Variants in MLX observed in about 807,000 individuals in gnomAD.
MLX encodes MAX dimerization protein MLX, also known as max-like protein X.
In MLX, 15 loss-of-function variants were observed where a neutral mutation model predicts 33.0. That is an observed-to-expected ratio of 0.45 (90% CI 0.30 to 0.70). The LOEUF is 0.70. MLX is among the 30% of genes least tolerant of loss of function. The pLI is 0.07. For synonymous variants in MLX, 115 were observed against 115.6 expected (o/e 0.99, Z 0.03); for missense variants, 285 against 306.3 (o/e 0.93, Z 0.52).
At chr17:42,567,748 C>A in intron 2 of MLX, 93 bp downstream of exon 2, 1 of 1,536,296 alleles carries the variant, frequency 6.5e-7, no homozygotes, top group Non-Finnish European at 9.0e-7. Flanking sequence ...TGAGCACAGT[C>A]CACTCTCCCT....
At position 42,572,982 on chromosome 17, in the gene MLX, G is replaced by A; in HGVS notation, c.*1379G>A. ...CCGTGGGCCCCTCAGGGGTCTGGGA[G>A]TGTGACGTTGTAATCTTCATCCGTC... On this transcript the variant is annotated 3_prime_UTR_variant, in exon 8 of 8. Coordinates refer to ENST00000435881, the MANE Select transcript of MLX (RefSeq NM_198204.2). 6.2e-7 allele frequency: 1 copy of A among 1,614,242 alleles called. No individual in the cohort carries two copies. Among genetic ancestry groups the A allele is most frequent in the Non-Finnish European group, 8.5e-7 (1 of 1,180,042 alleles).
chr17:42,567,449 G>C, intron 1 of MLX, 170 bp from the exon 2 acceptor site: 1 of 1,393,100 alleles, frequency 7.2e-7, no homozygotes. Flanking sequence ...TGCCAGTCTC[G>C]GGGGACTCAT....
At chr17:42,568,691 C>A in intron 3 of MLX, 132 bp downstream of exon 3, 1 of 1,068,760 alleles carries the variant, frequency 9.4e-7, no homozygotes, top group East Asian at 2.4e-5. Context: ...AAGGTCTCAC[C>A]ATCTTTCACC....
chr17:42,569,476 A>T, intron 5 of MLX, 31 bp from the exon 6 acceptor site: 1 of 1,580,030 alleles, frequency 6.3e-7, no homozygotes, highest in Admixed American at 1.7e-5. Flanking sequence ...ATACTTCTGT[A>T]CCTGTCCTTT....
Position 42,569,497 on chromosome 17 carries a change from C to A in MLX, c.377-10C>A, listed in dbSNP as rs564620003. Reference sequence around the variant, plus strand: ...CTGTACCTGTCCTTTTTTTCTTGCCCCCACCCTAGCCATTGACTACATTCA... The same window carrying A: ...CTGTACCTGTCCTTTTTTTCTTGCCACCACCCTAGCCATTGACTACATTCA... On this transcript the variant is annotated splice_polypyrimidine_tract_variant and intron_variant, in intron 5 of 7. Coordinates refer to ENST00000435881, the MANE Select transcript of MLX (RefSeq NM_198204.2). 1 of 1,610,716 alleles carries A rather than the reference C, an allele frequency of 6.2e-7. No individual in the cohort carries two copies. Among genetic ancestry groups the A allele is most frequent in the Non-Finnish European group, 8.5e-7 (1 of 1,177,594 alleles).
chr17:42,568,820 C>T lies in MLX; in HGVS notation c.170-17C>T. The stretch of plus-strand genomic sequence containing the variant: ...GGCCCCAAGATGACCTTTCCCTGCC[C>T]CCATCTCTGAGCGTAGATGATGAGG... On this transcript the variant is annotated splice_polypyrimidine_tract_variant and intron_variant, in intron 3 of 7. Coordinates refer to ENST00000435881, the MANE Select transcript of MLX (RefSeq NM_198204.2). The T allele has an allele frequency of 6.3e-7, 1 of 1,582,336 alleles. No individual in the cohort carries two copies. Among genetic ancestry groups the T allele is most frequent in the Non-Finnish European group, 8.6e-7 (1 of 1,159,542 alleles).
Position 42,572,240 on chromosome 17 carries a change from TG to T in MLX, c.*639del, listed in dbSNP as rs1057419537. On this transcript the variant is annotated 3_prime_UTR_variant, in exon 8 of 8. Transcript: ENST00000435881. The stretch of plus-strand genomic sequence containing the variant: ...CATCACCTTCCTCCTCTGCTCTGGG[TG>T]GTAAGGGAAGCCCTCCCGGTTCCCA... 4 of 395,770 alleles carry T rather than the reference TG, an allele frequency of 1.0e-5. No individual in the cohort carries two copies. Among genetic ancestry groups the T allele is most frequent in the African/African-American group, 6.2e-5 (3 of 48,152 alleles). The allele number at this position is 395,770 out of a possible 1,614,324, so 24.5% of individuals were successfully genotyped here. A position where few individuals can be genotyped will look rare whatever the true frequency, so the allele number is the denominator to read the frequency against.
intron 1 of MLX, 168 bp from the exon 2 acceptor site, chr17:42,567,451 G>T: frequency 7.2e-7 from 1 of 1,394,794 alleles, no homozygotes; most frequent in South Asian, 1.4e-5. Flanking sequence ...CCAGTCTCGG[G>T]GGACTCATTA....
chr17:42,567,469 C>T, intron 1 of MLX, 150 bp from the exon 2 acceptor site: 10 of 1,427,864 alleles, frequency 7.0e-6, no homozygotes, highest in Non-Finnish European at 9.4e-6. Context: ...TTAAGCTGCC[C>T]GCGCACCCCG....
chr17:42,568,911 C>T lies in MLX; in HGVS notation c.244C>T (p.Gln82Ter). 6.2e-7 allele frequency: 1 copy of T among 1,610,782 alleles called. No individual in the cohort carries two copies. The highest frequency in any genetic ancestry group is 8.5e-7 in the Non-Finnish European group (1 of 1,178,384). ...AGACCGGCGGCGGCGCGCACACACT[C>T]AGGCTGAGCAGAAGAGGAGGGACGC... ...YKDRRRRAHT[Q>*]AEQKRRDAIK... The change falls in exon 4 of 8, where the codon CAG becomes TAG. Residue 82 changes from glutamine (Q) to a stop codon, truncating the protein, a stop_gained. Coordinates refer to ENST00000435881, the MANE Select transcript of MLX (RefSeq NM_198204.2). LOFTEE classifies it high-confidence loss of function.
intron 3 of MLX, 46 bp downstream of exon 3, chr17:42,568,605 A>T (rs1375121583): frequency 6.5e-7 from 1 of 1,539,568 alleles, no homozygotes. Flanking sequence ...CAGATATGTC[A>T]TAATTGTAGT....
In MLX at chr17:42,571,795, G is replaced by A; in HGVS notation, c.*192G>A. ...CGGTGTTTGTTTTGTGAAAGCTTCTGATTAATTTATTATATTGACGATAAA... is the reference window on the plus strand; with the variant it reads ...CGGTGTTTGTTTTGTGAAAGCTTCTAATTAATTTATTATATTGACGATAAA... On this transcript the variant is annotated 3_prime_UTR_variant, in exon 8 of 8. Coordinates refer to ENST00000435881, the MANE Select transcript of MLX (RefSeq NM_198204.2). 1.7e-6 allele frequency: 1 copy of A among 603,778 alleles called. No individual in the cohort carries two copies. 37.4% of individuals were successfully genotyped at this position (603,778 alleles called of 1,614,324 possible). A position where few individuals can be genotyped will look rare whatever the true frequency, so the allele number is the denominator to read the frequency against.
Position 42,568,540 on chromosome 17 carries a change from C to T in MLX, c.150C>T (p.Ala50=), listed in dbSNP as rs1455699018. The T allele has an allele frequency of 6.8e-6, 11 of 1,613,678 alleles. No individual in the cohort carries two copies. The highest frequency in any genetic ancestry group is 3.3e-5 in the Admixed American group (2 of 59,990). The change falls in exon 3 of 8, where the codon GCC becomes GCT. Residue 50 remains alanine (A), a synonymous_variant. Transcript: ENST00000435881. ...CTAATAGCATCGGTTCCACCAGTGC[C>T]TCTTCTGTCCCCAACACAGGTAGGC... The part of the protein sequence containing the change: ...SRANSIGSTS[A]SSVPNTDDED...
Position 42,568,972 on chromosome 17 carries a change from G to A in MLX, c.276+29G>A, listed in dbSNP as rs2093020326. On this transcript the variant is annotated intron_variant, in intron 4 of 7. Transcript: ENST00000435881. Reference sequence around the variant, plus strand: ...AACAGGGAGGCCTGTGCCTCAGCCAGTGCGGGAGGGCCCTGCATAGTTTAG... The same window carrying A: ...AACAGGGAGGCCTGTGCCTCAGCCAATGCGGGAGGGCCCTGCATAGTTTAG... 1.9e-6 allele frequency: 3 copies of A among 1,580,174 alleles called. No individual in the cohort carries two copies. In the African/African-American group the frequency reaches 4.1e-5, roughly 21 times the overall value.
At chr17:42,567,757 C>A in intron 2 of MLX, 102 bp downstream of exon 2, 1 of 1,493,216 alleles carries the variant, frequency 6.7e-7, no homozygotes, top group Non-Finnish European at 9.3e-7. Flanking sequence ...TCCACTCTCC[C>A]TGAGCAGAGT....
rs1345066087 is a variant in MLX, at chr17:42,567,564, C to T, written c.43-55C>T. 7.4e-6 allele frequency: 12 copies of T among 1,611,144 alleles called. No homozygotes were observed. In the Admixed American group the frequency reaches 8.3e-5, roughly 11 times the overall value. ...CTGTGCGTGCCTGCAGTGGAAGGGGCGCCTCCCCCTAGGGGCGGAGGTCTG... is the reference window on the plus strand; with the variant it reads ...CTGTGCGTGCCTGCAGTGGAAGGGGTGCCTCCCCCTAGGGGCGGAGGTCTG... On this transcript the variant is annotated intron_variant, in intron 1 of 7. Transcript: ENST00000435881.
chr17:42,571,452 T>G, intron 7 of MLX, 95 bp from the exon 8 acceptor site: 1 of 1,396,436 alleles, frequency 7.2e-7, no homozygotes, highest in Non-Finnish European at 1.0e-6. Context: ...TTAAAGCACT[T>G]TTCTAAAGTA....
Position 42,568,909 on chromosome 17 carries a change from C to T in MLX, c.242C>T (p.Thr81Ile). ...SYKDRRRRAH[T>I]QAEQKRRDAI... The stretch of plus-strand genomic sequence containing the variant: ...AAAGACCGGCGGCGGCGCGCACACA[C>T]TCAGGCTGAGCAGAAGAGGAGGGAC... Residue 81 changes from threonine to isoleucine, a missense_variant, in exon 4 of 8, where the codon ACT becomes ATT. Thr to Ile is a moderately conservative substitution (Grantham distance 89, BLOSUM62 -1). Coordinates refer to ENST00000435881, the MANE Select transcript of MLX (RefSeq NM_198204.2). 6.2e-7 allele frequency: 1 copy of T among 1,611,184 alleles called. No homozygotes were observed. The highest frequency in any genetic ancestry group is 8.5e-7 in the Non-Finnish European group (1 of 1,178,564).
chr17:42,568,755 C>T (rs910797292), intron 3 of MLX, 82 bp from the exon 4 acceptor site: 30 of 1,288,568 alleles, frequency 2.3e-5, no homozygotes, highest in Non-Finnish European at 3.2e-5. Context: ...ACACCAGGTT[C>T]TTCCCAGCTG....
Sources: gnomAD v4.1 joint callset for allele counts on GRCh38, gnomAD v4.1.1 for gene constraint, MANE v1.5 for transcripts, NCBI Gene and HGNC (gene_info 2026-07-23, HGNC 2026-07-21) for gene names.